Variants in SCPEP1 observed in about 807,000 individuals in gnomAD.
SCPEP1 encodes serine carboxypeptidase 1.
Under a neutral mutation model 63.8 loss-of-function variants are expected in SCPEP1, and 51 were observed. The observed-to-expected ratio is 0.80, with a 90% CI of 0.64 to 1.01. The LOEUF (loss-of-function observed/expected upper bound fraction) is 1.01. SCPEP1 is among the 50% of genes least tolerant of loss of function. SCPEP1 has a pLI of 0.00. For synonymous variants in SCPEP1, 204 were observed against 207.8 expected, an observed-to-expected ratio of 0.98 and a Z score of 0.16; for missense variants, 499 against 554.9, an observed-to-expected ratio of 0.90 and a Z score of 1.01.
rs1911523934 is a variant in SCPEP1, at chr17:56,995,597, A to G, written c.748A>G (p.Thr250Ala). The G allele has an allele frequency of 6.2e-7, 1 of 1,614,036 alleles. No homozygotes were observed. The highest frequency in any genetic ancestry group is 8.5e-7 in the Non-Finnish European group (1 of 1,180,020). The change falls in exon 8 of 13, where the codon ACA becomes GCA. Residue 250 changes from threonine to alanine, a missense_variant. Physicochemically the swap from Thr to Ala is moderately conservative, Grantham distance 58. Coordinates refer to ENST00000262288, the MANE Select transcript of SCPEP1 (RefSeq NM_021626.3). ...AVNKGLYREA[T>A]ELWGKAEMII... ...AAATAAGGGGCTCTACAGAGAGGCC[A>G]CAGAGCTGTGGGGGAAAGCAGAAAT... is the stretch of plus-strand genomic sequence containing the variant.
chr17:56,988,736 C>A (rs1911299003), intron 5 of SCPEP1, among the ~76,000 whole-genome samples: 1 of 151,576 alleles, frequency 6.6e-6, no homozygotes. Flanking sequence ...AACTTGTATT[C>A]CTGCCTTGTA....
intron 12 of SCPEP1, 114 bp downstream of exon 12, chr17:57,002,295 G>A (rs1911763733): frequency 6.9e-6 from 7 of 1,010,794 alleles, no homozygotes; most frequent in Admixed American, 2.4e-5. Flanking sequence ...ACGAGGGCCC[G>A]AGGGCCAGGT....
chr17:56,987,958 G>T, intron 4 of SCPEP1, 108 bp downstream of exon 4: 1 of 1,280,910 alleles, frequency 7.8e-7, no homozygotes, highest in South Asian at 1.5e-5. Context: ...GCTGATTTCA[G>T]AGAAAACTTT....
At chr17:56,985,154 G>A in intron 2 of SCPEP1, 2 of 578,990 alleles carry the variant, frequency 3.5e-6, no homozygotes, top group Non-Finnish European at 3.1e-6. Flanking sequence ...ACATTCCATT[G>A]TGGACCTCTT....
chr17:57,002,935 G>A (rs1021945049), intron 12 of SCPEP1, among the ~76,000 whole-genome samples: 5 of 151,906 alleles, frequency 3.3e-5, no homozygotes, highest in Admixed American at 2.0e-4. Flanking sequence ...AGTGTTTTGA[G>A]TTTCCTAACA....
At chr17:56,987,953 T>C in intron 4 of SCPEP1, 103 bp downstream of exon 4, 1 of 1,314,740 alleles carries the variant, frequency 7.6e-7, no homozygotes, top group Non-Finnish European at 1.0e-6. Context: ...GCCTAGCTGA[T>C]TTCAGAGAAA....
intron 6 of SCPEP1, among the ~76,000 whole-genome samples, chr17:56,992,336 G>A (rs1428685859): frequency 6.6e-6 from 1 of 152,030 alleles, no homozygotes; most frequent in Non-Finnish European, 1.5e-5. Flanking sequence ...AGCATGAAGA[G>A]GAGGGCTGCT....
chr17:56,988,370 A>G (rs544734409), intron 5 of SCPEP1, 80 bp downstream of exon 5: 1 of 1,089,658 alleles, frequency 9.2e-7, no homozygotes, highest in African/African-American at 1.6e-5. Context: ...GTGCTATTAA[A>G]TATACTTTGA....
At chr17:56,997,095 C>A in intron 9 of SCPEP1, 40 bp downstream of exon 9, 1 of 1,256,096 alleles carries the variant, frequency 8.0e-7, no homozygotes, top group South Asian at 1.5e-5. Context: ...CTGCCTCAGC[C>A]TCCATGCAAA....
chr17:56,993,529 C>T (rs561410956), intron 6 of SCPEP1, among the ~76,000 whole-genome samples: 42 of 152,282 alleles, frequency 2.8e-4, no homozygotes, highest in Middle Eastern at 6.8e-3. Flanking sequence ...CTGCAACCTC[C>T]GCCTCCCAGG....
chr17:56,994,011 G>A (rs1039291738), intron 6 of SCPEP1, among the ~76,000 whole-genome samples: 2 of 152,226 alleles, frequency 1.3e-5, no homozygotes, highest in Admixed American at 6.5e-5. Flanking sequence ...AAGTCCTGGT[G>A]TGCTTGCATT....
Position 56,988,256 on chromosome 17 carries a change from A to G in SCPEP1, c.512A>G (p.Lys171Arg), listed in dbSNP as rs1281621829. 1 of 1,613,434 alleles carries G rather than the reference A, an allele frequency of 6.2e-7. No homozygotes were observed. The highest frequency in any genetic ancestry group is 2.2e-5 in the East Asian group (1 of 44,844). ...FYIFSESYGG[K>R]MAAGIGLELY... Reference sequence around the variant, plus strand: ...ATTTTCTCAGAGTCCTATGGAGGAAAAATGGCAGCTGGCATTGGTCTAGAG... The same window carrying G: ...ATTTTCTCAGAGTCCTATGGAGGAAGAATGGCAGCTGGCATTGGTCTAGAG... Residue 171 changes from lysine to arginine, a missense_variant, in exon 5 of 13, where the codon AAA becomes AGA. Lys to Arg is a conservative substitution (Grantham distance 26, BLOSUM62 2). Coordinates refer to ENST00000262288, the MANE Select transcript of SCPEP1 (RefSeq NM_021626.3).
intron 12 of SCPEP1, among the ~76,000 whole-genome samples, chr17:57,004,625 A>T (rs1294566343): frequency 1.3e-5 from 2 of 151,960 alleles, no homozygotes; most frequent in African/African-American, 4.8e-5. Context: ...TATCTTGGGG[A>T]TGGGACCCAA....
chr17:56,999,468 T>C (rs1490676551), intron 10 of SCPEP1, among the ~76,000 whole-genome samples: 1 of 152,110 alleles, frequency 6.6e-6, no homozygotes, highest in Non-Finnish European at 1.5e-5. Flanking sequence ...AAGAGGGTTT[T>C]GTTTCATGTG....
chr17:56,981,066 T>G lies in SCPEP1; in HGVS notation c.77-16T>G. The G allele has an allele frequency of 6.2e-7, 1 of 1,614,098 alleles. No homozygotes were observed. Among genetic ancestry groups the G allele is most frequent in the Non-Finnish European group, 8.5e-7 (1 of 1,179,976 alleles). On this transcript the variant is annotated splice_polypyrimidine_tract_variant and intron_variant, in intron 1 of 12. Coordinates refer to ENST00000262288, the MANE Select transcript of SCPEP1 (RefSeq NM_021626.3). ...TAGGCACTCTTCTGGAGAGTGAAAT[T>G]GAACTTCTGTTTCAGGAGCTGTCAT... is the stretch of plus-strand genomic sequence containing the variant.
chr17:56,980,969 A>C, intron 1 of SCPEP1, 113 bp from the exon 2 acceptor site: 1 of 1,282,034 alleles, frequency 7.8e-7, no homozygotes, highest in Non-Finnish European at 1.1e-6. Context: ...TGGCTAAATT[A>C]CCAAACTATA....
chr17:56,985,543 A>G, intron 3 of SCPEP1, 76 bp downstream of exon 3: 3 of 1,061,950 alleles, frequency 2.8e-6, no homozygotes, highest in East Asian at 2.4e-5. Flanking sequence ...GGGAGGGGCC[A>G]CAAATGTAGC....
chr17:57,000,612 C>T (rs1235656659), intron 10 of SCPEP1, among the ~76,000 whole-genome samples: 1 of 152,164 alleles, frequency 6.6e-6, no homozygotes, highest in Admixed American at 6.5e-5. Context: ...GTGTCAATTC[C>T]TCATTAAAAA....
At position 56,989,531 on chromosome 17, in the gene SCPEP1, T is replaced by A. The variant is rs73313835; in HGVS notation, c.546+1241T>A. 7.2e-3 allele frequency among the ~76,000 whole-genome samples: 1,094 copies of A among 152,362 alleles called. 16 individuals carry two copies. The highest frequency in any genetic ancestry group is 0.025 in the African/African-American group (1,050 of 41,580). On this transcript the variant is annotated intron_variant, in intron 5 of 12. Coordinates refer to ENST00000262288, the MANE Select transcript of SCPEP1 (RefSeq NM_021626.3). ...TTATACATATGTATATGTCAGAGAA[T>A]GTTTATTATGCCATTGTTTATAATG...
Sources: allele counts gnomAD v4.1 joint callset (sites outside exome capture counted in the v4.1 genomes callset), GRCh38; gene constraint gnomAD v4.1.1; transcripts MANE v1.5; gene names NCBI Gene and HGNC (gene_info 2026-07-23, HGNC 2026-07-21).